The following CNTNAP5 variants were observed in gnomAD, a reference collection of about 807,000 sequenced individuals.
CNTNAP5 encodes the protein contactin associated protein family member 5.
Under a neutral mutation model 150.2 loss-of-function variants are expected in CNTNAP5, and 72 were observed. The ratio of observed to expected loss-of-function variants is 0.48; its 90% CI spans 0.40 to 0.58. CNTNAP5 has a LOEUF of 0.58. CNTNAP5 is among the 20% of genes least tolerant of loss of function. The probability of loss-of-function intolerance (pLI) is 0.00; values close to 1 mark genes in which losing one functional copy is unlikely to be tolerated. For synonymous variants in CNTNAP5, 672 were observed against 619.8 expected, an observed-to-expected ratio of 1.08 and a Z score of -1.25; for missense variants, 1,636 against 1,626.2, an observed-to-expected ratio of 1.01 and a Z score of -0.10.
chr2:124,034,991 TCC>T (rs1558732408), intron 1 of CNTNAP5, among the ~76,000 whole-genome samples: 3 of 132,730 alleles, frequency 2.3e-5, no homozygotes, highest in African/African-American at 5.5e-5. Flanking sequence ...CCACAAGTCC[TCC>T]CTCCCCTCCC....
At chr2:124,655,945 G>GAGAAAGAA (rs766640499) in intron 13 of CNTNAP5, among the ~76,000 whole-genome samples, 3,598 of 55,406 alleles carry the variant, frequency 0.065, 247 homozygotes, top group Admixed American at 0.088. Context: ...GAGAGAGAGA[G>GAGAAAGAA]AGAAAGAAAG....
intron 19 of CNTNAP5, among the ~76,000 whole-genome samples, chr2:124,799,234 G>A (rs927042850): frequency 2.0e-5 from 3 of 152,162 alleles, no homozygotes; most frequent in African/African-American, 7.2e-5. Flanking sequence ...AATGTAATAC[G>A]AGAAGTTGAG....
At chr2:124,459,580 C>T (rs181086668) in intron 6 of CNTNAP5, among the ~76,000 whole-genome samples, 58 of 151,936 alleles carry the variant, frequency 3.8e-4, no homozygotes, top group African/African-American at 1.4e-3. Context: ...GATGAAACCC[C>T]ATCTCTACTA....
chr2:124,149,991 C>A (rs1684365542), intron 1 of CNTNAP5, among the ~76,000 whole-genome samples: 1 of 152,178 alleles, frequency 6.6e-6, no homozygotes, highest in South Asian at 2.1e-4. Flanking sequence ...GAACCTAGAT[C>A]TCTGTCTCTT....
In CNTNAP5 at chr2:124,025,534, T is replaced by G. The variant is rs1680857501; in HGVS notation, c.-117T>G. 1.2e-6 allele frequency: 1 copy of G among 826,290 alleles called. No homozygotes were observed. The highest frequency in any genetic ancestry group is 1.9e-5 in the Admixed American group (1 of 52,278). The allele number at this position is 826,290 out of a possible 1,614,324, so 51.2% of individuals were successfully genotyped here. ...GATGGAGTGAAAGAGCGAGTGCCTC[T>G]CCAAGCGGGGGTGGGAGGGGGTCAG... is the stretch of plus-strand genomic sequence containing the variant. On this transcript the variant is annotated 5_prime_UTR_variant, in exon 1 of 24. Transcript: ENST00000682447.
At chr2:124,761,245 G>T (rs1053811127) in intron 14 of CNTNAP5, among the ~76,000 whole-genome samples, 5 of 152,004 alleles carry the variant, frequency 3.3e-5, no homozygotes, top group Admixed American at 2.6e-4. Flanking sequence ...CCTACCCATT[G>T]TTTTGAAGTG....
intron 11 of CNTNAP5, among the ~76,000 whole-genome samples, chr2:124,606,378 A>T (rs1177505294): frequency 6.6e-6 from 1 of 151,406 alleles, no homozygotes; most frequent in East Asian, 1.9e-4. Context: ...TAAAAAAAAA[A>T]TAAGAAGTAA....
intron 21 of CNTNAP5, among the ~76,000 whole-genome samples, chr2:124,877,517 A>G (rs1419136306): frequency 6.6e-6 from 1 of 152,120 alleles, no homozygotes; most frequent in Non-Finnish European, 1.5e-5. Context: ...GTCACATGAC[A>G]TGACTCTCAT....
At chr2:124,183,061 C>T (rs1269169634) in intron 1 of CNTNAP5, among the ~76,000 whole-genome samples, 1 of 152,020 alleles carries the variant, frequency 6.6e-6, no homozygotes, top group African/African-American at 2.4e-5. Flanking sequence ...TAATTTGTAC[C>T]AACCCTTTAT....
intron 3 of CNTNAP5, among the ~76,000 whole-genome samples, chr2:124,253,923 A>G (rs1032487641): frequency 4.0e-5 from 6 of 151,872 alleles, no homozygotes; most frequent in African/African-American, 1.5e-4. Flanking sequence ...GTCTCTTTTA[A>G]TTCAAGTGTA....
At chr2:124,520,353 A>T (rs1694823533) in intron 8 of CNTNAP5, among the ~76,000 whole-genome samples, 1 of 152,188 alleles carries the variant, frequency 6.6e-6, no homozygotes, top group Non-Finnish European at 1.5e-5. Flanking sequence ...CAGCTCTGTT[A>T]CTATTTTAGA....
intron 13 of CNTNAP5, among the ~76,000 whole-genome samples, chr2:124,741,466 A>G (rs1009789069): frequency 6.6e-6 from 1 of 152,200 alleles, no homozygotes; most frequent in Non-Finnish European, 1.5e-5. Context: ...ACAGCTCCCA[A>G]TGATTAAGCC....
intron 1 of CNTNAP5, among the ~76,000 whole-genome samples, chr2:124,094,847 T>A (rs1682898020): frequency 6.6e-6 from 1 of 152,116 alleles, no homozygotes. Flanking sequence ...TGATAAGAGA[T>A]GACTGCTTTG....
intron 21 of CNTNAP5, among the ~76,000 whole-genome samples, chr2:124,885,775 T>A (rs1484010894): frequency 2.0e-5 from 3 of 152,098 alleles, no homozygotes; most frequent in African/African-American, 7.2e-5. Flanking sequence ...ATTTATAATA[T>A]TGCAGCATGT....
chr2:124,410,050 T>C (rs1192934987), intron 3 of CNTNAP5, among the ~76,000 whole-genome samples: 1 of 151,398 alleles, frequency 6.6e-6, no homozygotes, highest in Non-Finnish European at 1.5e-5. Flanking sequence ...ACCAAGCAAA[T>C]GGAAAACAAA....
At chr2:124,874,261 G>T (rs1243976149) in intron 21 of CNTNAP5, among the ~76,000 whole-genome samples, 2 of 151,964 alleles carry the variant, frequency 1.3e-5, no homozygotes, top group Non-Finnish European at 2.9e-5. Flanking sequence ...GTGAATTTAA[G>T]AAAAATAACA....
intron 3 of CNTNAP5, among the ~76,000 whole-genome samples, chr2:124,259,975 C>T (rs962549324): frequency 1.3e-5 from 2 of 152,164 alleles, no homozygotes; most frequent in Non-Finnish European, 2.9e-5. Context: ...CCATCCCCAT[C>T]AAGCTACCAA....
At chr2:124,605,873 A>ATTTAACTT (rs1558701567) in intron 11 of CNTNAP5, among the ~76,000 whole-genome samples, 1 of 151,020 alleles carries the variant, frequency 6.6e-6, no homozygotes, top group Non-Finnish European at 1.5e-5. Flanking sequence ...GAATTATTAT[A>ATTTAACTT]TTTAACTTTT....
intron 1 of CNTNAP5, among the ~76,000 whole-genome samples, chr2:124,099,794 G>A (rs1542041): frequency 0.39 from 59,153 of 151,834 alleles, 12,213 homozygotes; most frequent in East Asian, 0.51. Context: ...AGAACAAGGC[G>A]GGGGGCAGGG....
Sources: gnomAD v4.1 joint callset for allele counts (sites outside exome capture counted in the v4.1 genomes callset) on GRCh38, gnomAD v4.1.1 for gene constraint, MANE v1.5 for transcripts, NCBI Gene and HGNC (gene_info 2026-07-23, HGNC 2026-07-21) for gene names.